NLRP7: variants seen among roughly 807,000 people sequenced by gnomAD.
NLRP7 encodes NACHT, LRR and PYD domains-containing protein 7.
In NLRP7, 72 loss-of-function variants were observed where a neutral mutation model predicts 85.5. The observed-to-expected ratio is 0.84, with a 90% CI of 0.70 to 1.02. The LOEUF is 1.02. NLRP7 is among the 50% of genes least tolerant of loss of function. The probability of loss-of-function intolerance (pLI) is 0.00; values close to 1 mark genes in which losing one functional copy is unlikely to be tolerated. For missense variants in NLRP7, 1,243 were observed against 1,219.5 expected (o/e 1.02, Z -0.29); for synonymous variants, 550 against 505.2 (o/e 1.09, Z -1.19).
intron 1 of NLRP7, among the ~76,000 whole-genome samples, chr19:54,958,065 A>C (rs1279593231): frequency 6.6e-6 from 1 of 151,986 alleles, no homozygotes; most frequent in Non-Finnish European, 1.5e-5. Flanking sequence ...AAAATACAAA[A>C]TTAGCTTGGT....
At chr19:54,958,605 A>G (rs1602239763) in intron 1 of NLRP7, among the ~76,000 whole-genome samples, 2 of 152,154 alleles carry the variant, frequency 1.3e-5, no homozygotes. Flanking sequence ...AGATCAGGCC[A>G]CTGCACTCCA....
chr19:54,959,381 C>A (rs1468192860), intron 1 of NLRP7, among the ~76,000 whole-genome samples: 3 of 151,196 alleles, frequency 2.0e-5, no homozygotes, highest in Non-Finnish European at 3.0e-5. Context: ...TTGTGATCCA[C>A]CCGCCTTGGC....
At chr19:54,931,267 A>G (rs1376910055) in intron 8 of NLRP7, among the ~76,000 whole-genome samples, 1 of 151,994 alleles carries the variant, frequency 6.6e-6, no homozygotes. Flanking sequence ...ACTAAAAAAT[A>G]CAAAAATCGG....
chr19:54,930,896 G>A (rs920899289), intron 8 of NLRP7, among the ~76,000 whole-genome samples: 1 of 152,010 alleles, frequency 6.6e-6, no homozygotes, highest in South Asian at 2.1e-4. Flanking sequence ...GGTGGTGCAC[G>A]CCTGTAGTGC....
At chr19:54,954,613 G>A (rs555938746) in intron 1 of NLRP7, among the ~76,000 whole-genome samples, 27 of 152,040 alleles carry the variant, frequency 1.8e-4, no homozygotes, top group Admixed American at 3.9e-4. Context: ...GGGAGGCCGA[G>A]GCGGGCATAT....
At chr19:54,958,867 A>G (rs963270331) in intron 1 of NLRP7, among the ~76,000 whole-genome samples, 5 of 152,170 alleles carry the variant, frequency 3.3e-5, no homozygotes, top group African/African-American at 9.7e-5. Context: ...AAGACTGCGC[A>G]TGAAAGGGTC....
chr19:54,947,619 C>T (rs2146257065), upstream of NLRP7: 1 of 1,289,592 alleles, frequency 7.8e-7, no homozygotes, highest in Non-Finnish European at 1.0e-6. Flanking sequence ...TTGGGTGGCT[C>T]CCAACCACTG....
chr19:54,935,898 C>A (rs766638101), intron 6 of NLRP7, among the ~76,000 whole-genome samples: 1 of 150,434 alleles, frequency 6.6e-6, no homozygotes, highest in Non-Finnish European at 1.5e-5. Context: ...CCAAAACTAC[C>A]CCCAAACCCG....
At chr19:54,945,600 C>A (rs1006945674) in intron 1 of NLRP7, among the ~76,000 whole-genome samples, 3 of 150,954 alleles carry the variant, frequency 2.0e-5, no homozygotes, top group Admixed American at 6.6e-5. Context: ...ACATTTTTTT[C>A]TTTTTTTCTT....
At chr19:54,951,466 C>T (rs1428390297), upstream of NLRP7, among the ~76,000 whole-genome samples, 1 of 151,972 alleles carries the variant, frequency 6.6e-6, no homozygotes, top group Non-Finnish European at 1.5e-5. Flanking sequence ...ATTGTTTGAA[C>T]CCGGGAGGCA....
intron 1 of NLRP7, among the ~76,000 whole-genome samples, chr19:54,944,792 T>C (rs1032730836): frequency 4.6e-5 from 7 of 151,950 alleles, no homozygotes; most frequent in African/African-American, 7.2e-5. Context: ...TTTAAAGTAA[T>C]ATATACAACG....
intron 9 of NLRP7, among the ~76,000 whole-genome samples, chr19:54,924,851 G>A (rs2068366120): frequency 6.6e-6 from 1 of 152,110 alleles, no homozygotes; most frequent in African/African-American, 2.4e-5. Flanking sequence ...CAGGAGAATC[G>A]CTTTGAACCT....
At chr19:54,951,630 G>A (rs559668270), upstream of NLRP7, among the ~76,000 whole-genome samples, 1 of 152,132 alleles carries the variant, frequency 6.6e-6, no homozygotes, top group Non-Finnish European at 1.5e-5. Context: ...ATGAAAAAAT[G>A]TGAATCAGGC....
chr19:54,940,203 ATC>A lies in NLRP7; in HGVS notation c.614_615del (p.Arg205IlefsTer28). On this transcript the variant is annotated frameshift_variant, in exon 4 of 10. Transcript: ENST00000340844. LOFTEE classifies it high-confidence loss of function. Reference sequence around the variant, plus strand: ...TCCTTGCAGCTGAGGTAGAACGCGTATCTGAGCGTCGGGCTGAGGTTGCAGTC... The same window carrying A: ...TCCTTGCAGCTGAGGTAGAACGCGTATGAGCGTCGGGCTGAGGTTGCAGTC... The A allele has an allele frequency of 6.2e-7, 1 of 1,614,210 alleles. No homozygotes were observed. The highest frequency in any genetic ancestry group is 8.5e-7 in the Non-Finnish European group (1 of 1,180,032).
chr19:54,956,245 C>G (rs1026765803), intron 1 of NLRP7, among the ~76,000 whole-genome samples: 6 of 152,142 alleles, frequency 3.9e-5, no homozygotes, highest in African/African-American at 1.4e-4. Flanking sequence ...GGACTCAGCC[C>G]TGAACCTTTG....
intron 4 of NLRP7, 46 bp from the exon 5 acceptor site, chr19:54,938,287 G>A: frequency 6.7e-7 from 1 of 1,499,680 alleles, no homozygotes; most frequent in Non-Finnish European, 9.3e-7. Context: ...TACCTGCATG[G>A]TGAGATGGGC....
chr19:54,953,925 T>C (rs2069760526), intron 1 of NLRP7, among the ~76,000 whole-genome samples: 1 of 151,462 alleles, frequency 6.6e-6, no homozygotes, highest in African/African-American at 2.4e-5. Context: ...GAGAACGGCG[T>C]GAACCCGGGT....
chr19:54,923,594 C>G (rs976821070), exon 10 of NLRP7: 13 of 929,272 alleles, frequency 1.4e-5, no homozygotes, highest in Non-Finnish European at 1.9e-5. Flanking sequence ...TGCAGAATCT[C>G]CCAAAAATAG....
In NLRP7 at chr19:54,934,419, C is replaced by G; in HGVS notation, c.2471+70G>C. The G allele has an allele frequency of 6.6e-7, 1 of 1,516,526 alleles. No individual in the cohort carries two copies. The highest frequency in any genetic ancestry group is 9.2e-7 in the Non-Finnish European group (1 of 1,091,084). The allele number at this position is 1,516,526 out of a possible 1,614,324, so 93.9% of individuals were successfully genotyped here. On this transcript the variant is annotated intron_variant, in intron 7 of 9. Coordinates refer to ENST00000340844, the Ensembl canonical transcript of NLRP7. This position sits in a 1 kb window ranked among gnomAD's most constrained non-coding sequence, Gnocchi z 6.7. ...GCGCCACGTGGGTGGCGCAGTAAGT[C>G]AGGTGTTACCCTTTCTCTTCTATAG...
Sources: gnomAD v4.1 joint callset for allele counts (sites outside exome capture counted in the v4.1 genomes callset) on GRCh38, gnomAD v4.1.1 for gene constraint, Gnocchi (gnomAD v3.1) non-coding constraint, MANE v1.5 for transcripts, NCBI Gene and HGNC (gene_info 2026-07-23, HGNC 2026-07-21) for gene names.